Variants in PAXBP1 observed in about 807,000 individuals in gnomAD.
PAXBP1 encodes the protein PAX3 and PAX7 binding protein 1, also known as PAX3- and PAX7-binding protein 1.
A neutral mutation model predicts 119.9 loss-of-function variants in PAXBP1; 44 were observed. The ratio of observed to expected loss-of-function variants is 0.37; its 90% CI spans 0.29 to 0.47. The LOEUF is 0.47. Among genes scored for constraint, PAXBP1 ranks in the 20% least tolerant of loss-of-function variants. The pLI is 0.99. For missense variants in PAXBP1, 898 were observed against 1,134.1 expected (o/e 0.79, Z 2.99); for synonymous variants, 393 against 406.6 (o/e 0.97, Z 0.40).
chr21:32,769,741 T>C, intron 2 of PAXBP1, 73 bp downstream of exon 2: 1 of 1,519,804 alleles, frequency 6.6e-7, no homozygotes, highest in Non-Finnish European at 8.9e-7. Flanking sequence ...GTTCAGAAGA[T>C]ATACAGCAAA....
intron 7 of PAXBP1, 177 bp from the exon 8 acceptor site, chr21:32,755,530 T>C: frequency 1.5e-6 from 1 of 674,446 alleles, no homozygotes. Context: ...CGACACTTCT[T>C]CTTTTAATCC....
chr21:32,737,254 C>A lies in PAXBP1; in HGVS notation c.2636G>T (p.Arg879Met). Reference protein sequence around the residue: ...GCSDVEKRNARENIKQIVKLL... With the variant: ...GCSDVEKRNAMENIKQIVKLL... Reference sequence around the variant, plus strand: ...ACCATTTCATTAATTACAAAATTACCTTGCATTTCTTTTTTCCACATCAGA... The same window carrying A: ...ACCATTTCATTAATTACAAAATTACATTGCATTTCTTTTTTCCACATCAGA... The change falls in exon 17 of 18, where the codon AGG (arginine) becomes ATG (methionine). Residue 879 changes from arginine to methionine, a missense_variant and splice_region_variant. By Grantham distance (91) the Arg-to-Met change is moderately conservative (BLOSUM62 -1). This residue lies in a region of PAXBP1 where 599 missense variants were observed against 852.7 expected (regional missense o/e 0.70). Transcript: ENST00000331923. 1 of 1,510,934 alleles carries A rather than the reference C, an allele frequency of 6.6e-7. No homozygotes were observed. The highest frequency in any genetic ancestry group is 8.9e-7 in the Non-Finnish European group (1 of 1,125,096). 93.6% of individuals were successfully genotyped at this position (1,510,934 alleles called of 1,614,324 possible).
In PAXBP1 at chr21:32,752,615, C is replaced by T. The variant is rs368327804; in HGVS notation, c.1508-1397G>A. ...AATTTAGCTCTTACTTCAGAATATC[C>T]TAATTATCAGACCTTACTATCTATC... is the stretch of plus-strand genomic sequence containing the variant. On this transcript the variant is annotated intron_variant, in intron 8 of 17. Transcript: ENST00000331923. Among the ~76,000 whole-genome samples, 102 of 152,254 alleles carry T rather than the reference C, an allele frequency of 6.7e-4. 1 individual carries two copies. Among genetic ancestry groups the T allele is most frequent in the Admixed American group, 3.5e-3 (54 of 15,302 alleles).
chr21:32,751,947 T>A (rs754956352), intron 8 of PAXBP1: 1 of 152,282 alleles, frequency 6.6e-6, no homozygotes, highest in Non-Finnish European at 1.5e-5. Flanking sequence ...ATAGTTCTTG[T>A]TCTTACAATA....
chr21:32,757,847 C>T (rs1239145192), intron 7 of PAXBP1, among the ~76,000 whole-genome samples: 3 of 152,236 alleles, frequency 2.0e-5, no homozygotes, highest in South Asian at 2.1e-4. Context: ...TGACTGTCAA[C>T]TCTTGACACT....
chr21:32,768,788 A>G (rs1396337412), intron 2 of PAXBP1, among the ~76,000 whole-genome samples: 1 of 152,262 alleles, frequency 6.6e-6, no homozygotes, highest in Non-Finnish European at 1.5e-5. Flanking sequence ...CTGTCAACGT[A>G]TCTTTCACAT....
rs138940617 is a variant in PAXBP1, at chr21:32,752,741, G to C, written c.1508-1523C>G. 2.7e-3 allele frequency among the ~76,000 whole-genome samples: 412 copies of C among 152,230 alleles called. 3 individuals carry two copies. The highest frequency in any genetic ancestry group is 9.7e-3 in the African/African-American group (403 of 41,546). ...TGCAACCTCCGCCGCCCAGGTTCAA[G>C]CGATTCTCCCGCCTCAGCCTCCTCC... On this transcript the variant is annotated intron_variant, in intron 8 of 17. Transcript: ENST00000331923.
At chr21:32,768,355 T>C (rs1423517539) in intron 2 of PAXBP1, among the ~76,000 whole-genome samples, 1 of 152,232 alleles carries the variant, frequency 6.6e-6, no homozygotes, top group Non-Finnish European at 1.5e-5. Flanking sequence ...TGTAGTATTG[T>C]TACAGGAGCA....
At position 32,743,237 on chromosome 21, in the gene PAXBP1, T is replaced by G; in HGVS notation, c.2334+11A>C. 1 of 1,568,442 alleles carries G rather than the reference T, an allele frequency of 6.4e-7. No homozygotes were observed. Among genetic ancestry groups the G allele is most frequent in the Non-Finnish European group, 8.6e-7 (1 of 1,161,132 alleles). Reference sequence around the variant, plus strand: ...AAATCTGAGTCTTTTAGATAGTCTATGGACACGTACCTTAACTGAAGACCA... The same window carrying G: ...AAATCTGAGTCTTTTAGATAGTCTAGGGACACGTACCTTAACTGAAGACCA... On this transcript the variant is annotated intron_variant, in intron 15 of 17. Coordinates refer to ENST00000331923, the MANE Select transcript of PAXBP1 (RefSeq NM_016631.4).
chr21:32,754,952 C>A (rs747743341), intron 8 of PAXBP1, among the ~76,000 whole-genome samples: 1 of 152,060 alleles, frequency 6.6e-6, no homozygotes, highest in Non-Finnish European at 1.5e-5. Context: ...CGGATAATGT[C>A]TTTTCTATAC....
At chr21:32,743,819 C>T in intron 13 of PAXBP1, 65 bp from the exon 14 acceptor site, 5 of 909,634 alleles carry the variant, frequency 5.5e-6, no homozygotes, top group Non-Finnish European at 8.6e-6. Flanking sequence ...AAGCCATATT[C>T]CAAATCATGT....
chr21:32,761,995 G>C, intron 4 of PAXBP1, 101 bp downstream of exon 4: 3 of 1,185,044 alleles, frequency 2.5e-6, no homozygotes, highest in Non-Finnish European at 3.6e-6. Flanking sequence ...AGCTATGATT[G>C]TACCACTGCA....
Position 32,753,425 on chromosome 21 carries a change from CAAAAAAAAAAAA to C in PAXBP1, c.1507+1793_1507+1804del, listed in dbSNP as rs757858309. Among the ~76,000 whole-genome samples the C allele has an allele frequency of 9.8e-4, 89 of 90,974 alleles. 1 individual carries two copies. Among genetic ancestry groups the C allele is most frequent in the African/African-American group, 3.4e-3 (85 of 24,718 alleles). 59.7% of individuals were successfully genotyped at this position (90,974 alleles called of 152,430 possible). ...TGGGCAACAAAGCGAGACTCCGTCT[CAAAAAAAAAAAA>C]AAAAAAAAAACATTATACTTAAAAC... On this transcript the variant is annotated intron_variant, in intron 8 of 17. Coordinates refer to ENST00000331923, the MANE Select transcript of PAXBP1 (RefSeq NM_016631.4).
chr21:32,735,031 A>G lies in PAXBP1; in HGVS notation c.2673T>C (p.Ser891=). ...ACATAGCATGATCCAAAGCTCGAACACTTGCAAGGAGTTTTACTATCTGTT... is the reference window on the plus strand; with the variant it reads ...ACATAGCATGATCCAAAGCTCGAACGCTTGCAAGGAGTTTTACTATCTGTT... ...NIKQIVKLLA[S]VRALDHAMSV... Residue 891 remains serine, a synonymous_variant, in exon 18 of 18, where the codon AGT becomes AGC. Coordinates refer to ENST00000331923, the MANE Select transcript of PAXBP1 (RefSeq NM_016631.4). 1 of 1,613,740 alleles carries G rather than the reference A, an allele frequency of 6.2e-7. No homozygotes were observed. Among genetic ancestry groups the G allele is most frequent in the South Asian group, 1.1e-5 (1 of 91,066 alleles).
intron 13 of PAXBP1, among the ~76,000 whole-genome samples, chr21:32,744,255 T>G: frequency 9.1e-6 from 1 of 110,036 alleles, no homozygotes; most frequent in East Asian, 2.5e-4. Context: ...TGACAGCTGA[T>G]GAGCTAAAAA....
chr21:32,759,900 T>C lies in PAXBP1; in HGVS notation c.1070A>G (p.Tyr357Cys). 1 of 1,613,798 alleles carries C rather than the reference T, an allele frequency of 6.2e-7. No individual in the cohort carries two copies. Among genetic ancestry groups the C allele is most frequent in the Non-Finnish European group, 8.5e-7 (1 of 1,179,674 alleles). ...GGCATCTGATGATCCATAGGCCGTA[T>C]AACTATAAGGAATGCCATAGGATGA... ...YGSSYGIPYS[Y>C]TAYGSSDAKS... The change falls in exon 6 of 18, where the codon TAT becomes TGT. Residue 357 changes from tyrosine (Y) to cysteine (C), a missense_variant. Around this residue, in one of 2 missense-constraint regions of PAXBP1, gnomAD observed 599 missense variants for 852.7 expected, o/e 0.70. Transcript: ENST00000331923.
At chr21:32,752,903 C>T (rs890411488) in intron 8 of PAXBP1, among the ~76,000 whole-genome samples, 5 of 151,958 alleles carry the variant, frequency 3.3e-5, no homozygotes, top group Admixed American at 6.5e-5. Flanking sequence ...CGAGAGCCAC[C>T]GTGCCTGACC....
At chr21:32,751,479 C>T in intron 8 of PAXBP1, 1 of 305,878 alleles carries the variant, frequency 3.3e-6, no homozygotes, top group Non-Finnish European at 6.3e-6. Context: ...TGGGCTTACT[C>T]ACTATTTTTA....
intron 1 of PAXBP1, among the ~76,000 whole-genome samples, chr21:32,770,949 G>A (rs2044329515): frequency 6.6e-6 from 1 of 152,174 alleles, no homozygotes; most frequent in Admixed American, 6.5e-5. Flanking sequence ...AGAAGTGTGG[G>A]CGCAGTGACC....
Sources: allele counts gnomAD v4.1 joint callset (sites outside exome capture counted in the v4.1 genomes callset), GRCh38; gene constraint gnomAD v4.1.1; regional missense constraint gnomAD v4.1.1; transcripts MANE v1.5; gene names NCBI Gene and HGNC (gene_info 2026-07-23, HGNC 2026-07-21).